The following SAMD5 variants were observed in gnomAD, a reference collection of about 807,000 sequenced individuals.
SAMD5 encodes sterile alpha motif domain-containing protein 5.
Under a neutral mutation model 11.3 loss-of-function variants are expected in SAMD5, and 13 were observed. That is an observed-to-expected ratio of 1.15 (90% CI 0.75 to 1.83). The LOEUF is 1.83. SAMD5 is among the 40% of genes most tolerant of loss of function. The pLI, the probability that SAMD5 is intolerant of heterozygous loss-of-function variation, is 0.00. For missense variants in SAMD5, 255 were observed against 239.1 expected (o/e 1.07, Z -0.44); for synonymous variants, 129 against 111.3 (o/e 1.16, Z -1.00).
intron 1 of SAMD5, among the ~76,000 whole-genome samples, chr6:147,680,994 G>A (rs927382932): frequency 3.9e-5 from 6 of 152,016 alleles, no homozygotes; most frequent in Admixed American, 6.6e-5. Context: ...TGGCATCAGG[G>A]TTAAGCTGCC....
chr6:147,543,440 T>A (rs1788637341), intron 1 of SAMD5, among the ~76,000 whole-genome samples: 1 of 152,206 alleles, frequency 6.6e-6, no homozygotes, highest in Non-Finnish European at 1.5e-5. Context: ...CAATTTACTA[T>A]CAGAGTCTTC....
chr6:147,920,360 T>C, the SAMD5 span, among the ~76,000 whole-genome samples: 17 of 152,352 alleles, frequency 1.1e-4, no homozygotes, highest in Admixed American at 5.9e-4. Flanking sequence ...ACTCTTGGAC[T>C]TACACCAGTG....
intron 1 of SAMD5, among the ~76,000 whole-genome samples, chr6:147,690,793 T>C (rs962408260): frequency 2.0e-5 from 3 of 152,210 alleles, no homozygotes; most frequent in African/African-American, 7.2e-5. Context: ...CTGAATTTTA[T>C]GTTTCCTCTC....
chr6:147,621,256 A>G (rs1377133159), intron 1 of SAMD5, among the ~76,000 whole-genome samples: 1 of 152,200 alleles, frequency 6.6e-6, no homozygotes, highest in Non-Finnish European at 1.5e-5. Flanking sequence ...AGAAGTATGA[A>G]ATAATGAAAC....
intron 1 of SAMD5, among the ~76,000 whole-genome samples, chr6:147,536,280 G>A (rs1297384879): frequency 6.6e-6 from 1 of 152,174 alleles, no homozygotes; most frequent in Non-Finnish European, 1.5e-5. Context: ...ACTGCGTCCG[G>A]CCAAGAAAAC....
At chr6:147,577,295 T>G (rs1789230749) in intron 1 of SAMD5, among the ~76,000 whole-genome samples, 1 of 152,372 alleles carries the variant, frequency 6.6e-6, no homozygotes, top group East Asian at 1.9e-4. Flanking sequence ...GAAATATTCC[T>G]TTTAGAAAAC....
intron 1 of SAMD5, among the ~76,000 whole-genome samples, chr6:147,680,372 T>C (rs1415983159): frequency 1.3e-5 from 2 of 152,168 alleles, no homozygotes; most frequent in African/African-American, 4.8e-5. Context: ...TGATCTTGTA[T>C]CCTACAAACT....
chr6:147,880,804 A>G, the SAMD5 span, among the ~76,000 whole-genome samples: 1 of 152,140 alleles, frequency 6.6e-6, no homozygotes, highest in Non-Finnish European at 1.5e-5. Context: ...TACTTTTTGA[A>G]GGCAATTCTA....
chr6:147,554,308 G>A (rs1788819577), intron 1 of SAMD5, among the ~76,000 whole-genome samples: 3 of 152,262 alleles, frequency 2.0e-5, no homozygotes, highest in Admixed American at 1.3e-4. Context: ...GATAAGTTTT[G>A]GGTGGGGACA....
intron 1 of SAMD5, among the ~76,000 whole-genome samples, chr6:147,657,614 C>T (rs1410793621): frequency 6.6e-6 from 1 of 152,182 alleles, no homozygotes; most frequent in Non-Finnish European, 1.5e-5. Context: ...TTATAAACTA[C>T]AGAAATTTAT....
At chr6:147,757,938 A>G in the SAMD5 span, among the ~76,000 whole-genome samples, 1 of 152,280 alleles carries the variant, frequency 6.6e-6, no homozygotes, top group African/African-American at 2.4e-5. Flanking sequence ...AAGCCTAGTG[A>G]GTTTTTCATT....
chr6:147,905,424 G>T, the SAMD5 span, among the ~76,000 whole-genome samples: 2 of 151,686 alleles, frequency 1.3e-5, no homozygotes, highest in East Asian at 3.9e-4. Context: ...CAGGAGACCT[G>T]CCTACTTTGG....
chr6:147,578,789 AG>A (rs1457517843), intron 1 of SAMD5, among the ~76,000 whole-genome samples: 1 of 76,128 alleles, frequency 1.3e-5, no homozygotes, highest in Non-Finnish European at 2.6e-5. Flanking sequence ...ATATCTGCGA[AG>A]TAAAAAAAAA....
chr6:147,790,152 C>G, the SAMD5 span, among the ~76,000 whole-genome samples: 1 of 152,174 alleles, frequency 6.6e-6, no homozygotes, highest in Non-Finnish European at 1.5e-5. Flanking sequence ...TGTTCATGAT[C>G]AGCAAAAACT....
intron 1 of SAMD5, among the ~76,000 whole-genome samples, chr6:147,593,404 T>G (rs1789484300): frequency 6.6e-6 from 1 of 152,104 alleles, no homozygotes; most frequent in Non-Finnish European, 1.5e-5. Context: ...AGAAACCTAC[T>G]TTAGATTAAG....
intron 1 of SAMD5, among the ~76,000 whole-genome samples, chr6:147,510,432 C>T (rs1430900559): frequency 2.0e-5 from 3 of 152,112 alleles, no homozygotes; most frequent in African/African-American, 4.8e-5. Flanking sequence ...AATATGAGCA[C>T]CTCAGCTTAA....
intron 1 of SAMD5, among the ~76,000 whole-genome samples, chr6:147,720,462 C>CA (rs11335024): frequency 2.0e-3 from 277 of 141,378 alleles, no homozygotes; most frequent in East Asian, 5.4e-3. Flanking sequence ...GACTCTGTCT[C>CA]AAAAAAAAAA....
chr6:147,633,227 T>C (rs921349691), intron 1 of SAMD5, among the ~76,000 whole-genome samples: 4 of 152,198 alleles, frequency 2.6e-5, no homozygotes, highest in Non-Finnish European at 4.4e-5. Flanking sequence ...CCAGATCTTT[T>C]GTCTTTAAAC....
At chr6:147,765,980 G>A in the SAMD5 span, among the ~76,000 whole-genome samples, 3 of 151,562 alleles carry the variant, frequency 2.0e-5, no homozygotes, top group Non-Finnish European at 4.4e-5. Context: ...AGAAGAAAAC[G>A]TAAGAAAAAA....
Sources: allele counts gnomAD v4.1 joint callset (sites outside exome capture counted in the v4.1 genomes callset), GRCh38; gene constraint gnomAD v4.1.1; transcripts MANE v1.5; gene names NCBI Gene and HGNC (gene_info 2026-07-23, HGNC 2026-07-21).